The following NOL4 variants were observed in gnomAD, a reference collection of about 807,000 sequenced individuals.
NOL4 encodes the protein cancer/testis antigen 125.
A neutral mutation model predicts 75.9 loss-of-function variants in NOL4; 17 were observed. The observed-to-expected ratio is 0.22, with a 90% CI of 0.15 to 0.34. The LOEUF is 0.34. NOL4 is among the 10% of genes least tolerant of loss of function. The pLI, the probability that NOL4 is intolerant of heterozygous loss-of-function variation, is 1.00. For synonymous variants in NOL4, 292 were observed against 289.9 expected, an observed-to-expected ratio of 1.01 and a Z score of -0.07; for missense variants, 614 against 793.5, an observed-to-expected ratio of 0.77 and a Z score of 2.72.
Position 34,135,730 on chromosome 18 carries a change from C to T in NOL4, c.265-5710G>A, listed in dbSNP as rs1255396517. ...AAAAAAAGCTTTTCACACACAGAAG[C>T]AGCCCAGGCCCAGACAGCCTCACTG... is the stretch of plus-strand genomic sequence containing the variant. On this transcript the variant is annotated intron_variant, in intron 1 of 10. Coordinates refer to ENST00000261592, the MANE Select transcript of NOL4 (RefSeq NM_003787.5). Among the ~76,000 whole-genome samples, 3 of 140,720 alleles carry T rather than the reference C, an allele frequency of 2.1e-5. No individual in the cohort carries two copies. In the Admixed American group the frequency reaches 2.2e-4, roughly 10 times the overall value. The allele number at this position is 140,720 out of a possible 152,430, so 92.3% of individuals were successfully genotyped here. A position where few individuals can be genotyped will look rare whatever the true frequency, so the allele number is the denominator to read the frequency against.
At chr18:34,050,317 A>C (rs1600398724) in intron 5 of NOL4, among the ~76,000 whole-genome samples, 2 of 152,150 alleles carry the variant, frequency 1.3e-5, no homozygotes, top group Non-Finnish European at 2.9e-5. Flanking sequence ...ATTCAGGGAA[A>C]CTGGATAAAT....
chr18:34,025,486 C>T (rs1429547705), intron 5 of NOL4, among the ~76,000 whole-genome samples: 1 of 152,146 alleles, frequency 6.6e-6, no homozygotes, highest in Admixed American at 6.6e-5. Flanking sequence ...GAGTATCACC[C>T]TGGGAAGAAT....
chr18:33,914,866 T>G (rs1389819892), intron 9 of NOL4, among the ~76,000 whole-genome samples: 1 of 152,042 alleles, frequency 6.6e-6, no homozygotes, highest in Non-Finnish European at 1.5e-5. Context: ...GCTGAGGAAG[T>G]GGTTGGATAT....
intron 6 of NOL4, among the ~76,000 whole-genome samples, chr18:34,018,304 A>G (rs906103356): frequency 1.3e-5 from 2 of 152,124 alleles, no homozygotes; most frequent in African/African-American, 2.4e-5. Context: ...TGCCACAGCA[A>G]AAGTTGTAGC....
chr18:34,056,336 G>A (rs139678733), intron 5 of NOL4, among the ~76,000 whole-genome samples: 98 of 152,222 alleles, frequency 6.4e-4, no homozygotes, highest in Non-Finnish European at 1.3e-3. Flanking sequence ...CTCTCAAAAC[G>A]TTTCTGAGGA....
chr18:33,962,471 A>T (rs914834602), intron 6 of NOL4, among the ~76,000 whole-genome samples: 1 of 152,236 alleles, frequency 6.6e-6, no homozygotes, highest in Non-Finnish European at 1.5e-5. Flanking sequence ...GGGAAAATTT[A>T]AATTGACAGT....
chr18:33,909,512 A>G (rs2145116941), intron 9 of NOL4, among the ~76,000 whole-genome samples: 1 of 152,288 alleles, frequency 6.6e-6, no homozygotes, highest in Admixed American at 6.5e-5. Flanking sequence ...TTCTCCAGCC[A>G]TAATTTGCTG....
At chr18:34,158,415 A>G (rs1241945757) in intron 1 of NOL4, among the ~76,000 whole-genome samples, 1 of 152,008 alleles carries the variant, frequency 6.6e-6, no homozygotes, top group Non-Finnish European at 1.5e-5. Flanking sequence ...TTTACCCCCC[A>G]CCCTCGAGTT....
At position 34,222,993 on chromosome 18, in the gene NOL4, G is replaced by A. The variant is rs764967471; in HGVS notation, c.261C>T (p.Thr87=). The A allele has an allele frequency of 6.2e-7, 1 of 1,606,928 alleles. No homozygotes were observed. Among genetic ancestry groups the A allele is most frequent in the Non-Finnish European group, 8.5e-7 (1 of 1,179,856 alleles). The change falls in exon 1 of 11, where the codon ACC becomes ACT. Residue 87 remains threonine, a synonymous_variant. Coordinates refer to ENST00000261592, the MANE Select transcript of NOL4 (RefSeq NM_003787.5). The part of the protein sequence containing the change: ...AKQVLYVPVK[T]TDGVGVDEKL... ...CAGAGGAAGGCGAGTCACTCACCGT[G>A]GTCTTGACAGGCACGTAGAGCACTT...
intron 1 of NOL4, among the ~76,000 whole-genome samples, chr18:34,146,460 C>A (rs1386220212): frequency 2.6e-5 from 4 of 152,092 alleles, no homozygotes; most frequent in African/African-American, 4.8e-5. Context: ...CCAGTTTTCC[C>A]AACATCATTT....
intron 10 of NOL4, among the ~76,000 whole-genome samples, chr18:33,861,825 A>G (rs373711501): frequency 2.6e-5 from 4 of 152,038 alleles, no homozygotes; most frequent in African/African-American, 4.8e-5. Flanking sequence ...AATCAATATC[A>G]TGAAAATGGC....
chr18:34,115,165 C>G (rs988646786), intron 2 of NOL4, among the ~76,000 whole-genome samples: 1 of 152,138 alleles, frequency 6.6e-6, no homozygotes, highest in African/African-American at 2.4e-5. Context: ...GCAAGTTTCA[C>G]ATGCATACAG....
chr18:33,888,008 A>G (rs1331491409), intron 9 of NOL4, among the ~76,000 whole-genome samples: 4 of 152,162 alleles, frequency 2.6e-5, no homozygotes, highest in Non-Finnish European at 5.9e-5. Context: ...GTCTTCCACA[A>G]TGGTTGAACT....
chr18:34,196,331 T>C (rs2035327395), intron 1 of NOL4, among the ~76,000 whole-genome samples: 1 of 152,132 alleles, frequency 6.6e-6, no homozygotes, highest in Non-Finnish European at 1.5e-5. Context: ...CTAAGGAAGG[T>C]AACTGCTGAC....
At chr18:33,934,708 A>G (rs138102096) in intron 9 of NOL4, among the ~76,000 whole-genome samples, 1 of 152,206 alleles carries the variant, frequency 6.6e-6, no homozygotes, top group East Asian at 1.9e-4. Context: ...TACTCTTCAT[A>G]GAATTGAAGA....
At chr18:34,184,864 A>C (rs1411288878) in intron 1 of NOL4, among the ~76,000 whole-genome samples, 1 of 152,152 alleles carries the variant, frequency 6.6e-6, no homozygotes, top group Non-Finnish European at 1.5e-5. Context: ...TGTATAAAGT[A>C]AGTGGTGAAG....
chr18:34,133,567 A>G (rs1244470719), intron 1 of NOL4, among the ~76,000 whole-genome samples: 1 of 152,154 alleles, frequency 6.6e-6, no homozygotes, highest in African/African-American at 2.4e-5. Flanking sequence ...ATAAAACAAT[A>G]GGTAATTGAT....
chr18:33,977,429 G>A (rs2071581026), intron 6 of NOL4, among the ~76,000 whole-genome samples: 1 of 152,150 alleles, frequency 6.6e-6, no homozygotes, highest in Non-Finnish European at 1.5e-5. Flanking sequence ...TTTTATACAG[G>A]ACAGTTCCCC....
intron 6 of NOL4, among the ~76,000 whole-genome samples, chr18:33,967,977 T>C (rs1470719517): frequency 6.6e-6 from 1 of 151,924 alleles, no homozygotes; most frequent in Non-Finnish European, 1.5e-5. Flanking sequence ...TCCCAGCTAC[T>C]TGGGGGGCTG....
Sources: allele counts gnomAD v4.1 joint callset (sites outside exome capture counted in the v4.1 genomes callset), GRCh38; gene constraint gnomAD v4.1.1; transcripts MANE v1.5; gene names NCBI Gene and HGNC (gene_info 2026-07-23, HGNC 2026-07-21).